The following ARID5B variants were observed in gnomAD, a reference collection of about 807,000 sequenced individuals.
ARID5B encodes AT-rich interactive domain-containing protein 5B.
ARID5B carries 13 observed loss-of-function variants against 97.2 expected under a neutral mutation model. The ratio of observed to expected loss-of-function variants is 0.13; its 90% confidence interval spans 0.09 to 0.21. The LOEUF is 0.21. ARID5B is among the 10% of genes least tolerant of loss of function. The pLI is 1.00. For missense variants in ARID5B, 1,210 were observed against 1,465.3 expected, an observed-to-expected ratio of 0.83 and a Z score of 2.84; for synonymous variants, 556 against 570.3, an observed-to-expected ratio of 0.97 and a Z score of 0.36.
intron 2 of ARID5B, among the ~76,000 whole-genome samples, chr10:61,938,964 A>AGTGTGT (rs60329829): frequency 0.034 from 4,270 of 125,120 alleles, 107 homozygotes; most frequent in African/African-American, 0.041. Flanking sequence ...GAATTGGAGA[A>AGTGTGT]GTGTGTGTGT....
chr10:62,014,843 A>G (rs1204103467), intron 4 of ARID5B, among the ~76,000 whole-genome samples: 1 of 152,242 alleles, frequency 6.6e-6, no homozygotes, highest in Non-Finnish European at 1.5e-5. Context: ...TTGACATGTC[A>G]GGCAAATACA....
At chr10:62,029,165 C>T (rs544110393) in intron 4 of ARID5B, among the ~76,000 whole-genome samples, 1 of 152,276 alleles carries the variant, frequency 6.6e-6, no homozygotes, top group South Asian at 2.1e-4. Flanking sequence ...TGCAGAGCCA[C>T]ACTATTCTCA....
intron 7 of ARID5B, among the ~76,000 whole-genome samples, chr10:62,062,086 A>C (rs962514484): frequency 6.6e-6 from 1 of 152,234 alleles, no homozygotes; most frequent in African/African-American, 2.4e-5. Flanking sequence ...TAAGTACAGA[A>C]TACATTTTTC....
At chr10:62,027,169 T>G (rs1055229711) in intron 4 of ARID5B, among the ~76,000 whole-genome samples, 1 of 151,916 alleles carries the variant, frequency 6.6e-6, no homozygotes, top group Non-Finnish European at 1.5e-5. Flanking sequence ...CCTTCCTATC[T>G]GTCAAGCCCC....
At position 61,908,820 on chromosome 10, in the gene ARID5B, A is replaced by AAAGAAG. The variant is rs1177486622; in HGVS notation, c.276+6416_276+6421dup. 1.7e-3 allele frequency among the ~76,000 whole-genome samples: 254 copies of AAAGAAG among 146,188 alleles called. 5 individuals are homozygous for AAAGAAG. Among genetic ancestry groups the AAAGAAG allele is most frequent in the African/African-American group, 6.4e-3 (239 of 37,584 alleles). ...ATCTCAAAAAAAAAAAAAAAAAAAAAAAGAAGAAGAAGAATGGCCTCTGCC... is the reference window on the plus strand; with the variant it reads ...ATCTCAAAAAAAAAAAAAAAAAAAAAAAGAAGAAGAAGAAGAAGAATGGCCTCTGCC... On this transcript the variant is annotated intron_variant, in intron 2 of 9. Transcript: ENST00000279873.
intron 2 of ARID5B, among the ~76,000 whole-genome samples, chr10:61,917,699 G>A (rs1311854324): frequency 6.6e-6 from 1 of 152,134 alleles, no homozygotes; most frequent in African/African-American, 2.4e-5. Flanking sequence ...CTCATATTTG[G>A]CCCATTTTCT....
chr10:61,920,915 A>G (rs765284981), intron 2 of ARID5B, among the ~76,000 whole-genome samples: 4 of 152,114 alleles, frequency 2.6e-5, no homozygotes, highest in Admixed American at 6.6e-5. Context: ...TGAAAAATAC[A>G]CTCACATTGT....
Position 62,096,635 on chromosome 10 carries a change from T to C in ARID5B, c.*3605T>C, listed in dbSNP as rs568500711. 1 of 233,628 alleles carries C rather than the reference T, an allele frequency of 4.3e-6. No individual in the cohort carries two copies. The highest frequency in any genetic ancestry group is 1.8e-4 in the South Asian group (1 of 5,530). The allele number at this position is 233,628 out of a possible 1,614,324, so 14.5% of individuals were successfully genotyped here. A position where few individuals can be genotyped will look rare whatever the true frequency, so the allele number is the denominator to read the frequency against. On this transcript the variant is annotated 3_prime_UTR_variant, in exon 10 of 10. Transcript: ENST00000279873. ...CTGTGTTGTAAATATTGTATACTTT[T>C]GGTGATTCCAGCTATGTAACCTCTA...
chr10:62,003,586 C>T (rs1322057395), intron 4 of ARID5B, among the ~76,000 whole-genome samples: 1 of 152,114 alleles, frequency 6.6e-6, no homozygotes, highest in Non-Finnish European at 1.5e-5. Flanking sequence ...TAGTCACTAT[C>T]CTTTGGGTGG....
At chr10:62,069,568 A>G (rs2132953345) in intron 7 of ARID5B, 132 bp from the exon 8 acceptor site, 1 of 727,318 alleles carries the variant, frequency 1.4e-6, no homozygotes, top group East Asian at 2.7e-5. Flanking sequence ...CACCCCATAT[A>G]CTCTTTTGGA....
chr10:62,092,433 A>T lies in ARID5B; in HGVS notation c.2970A>T (p.Glu990Asp), dbSNP rs754000245. ...HVRLENFRKM[E>D]GMVHPILHRK... The stretch of plus-strand genomic sequence containing the variant: ...GACTGGAGAATTTCAGGAAGATGGA[A>T]GGCATGGTCCACCCAATCCTGCACC... The change falls in exon 10 of 10, where the codon GAA (glutamate) becomes GAT (aspartate). Residue 990 changes from glutamate (E) to aspartate (D), a missense_variant. Physicochemically the swap from Glu to Asp is conservative, Grantham distance 45. Transcript: ENST00000279873. The T allele has an allele frequency of 1.9e-6, 3 of 1,614,232 alleles. No homozygotes were observed. Among genetic ancestry groups the T allele is most frequent in the Non-Finnish European group, 2.5e-6 (3 of 1,180,024 alleles).
At chr10:61,974,152 C>T (rs1270996397) in intron 3 of ARID5B, among the ~76,000 whole-genome samples, 2 of 152,122 alleles carry the variant, frequency 1.3e-5, no homozygotes, top group East Asian at 1.9e-4. Context: ...GAGGTTTTGA[C>T]AACAAGCAGG....
rs1277887809 is a variant in ARID5B at position 61,919,585 on chromosome 10, C to CT, written c.276+17172_276+17173insT. On this transcript the variant is annotated intron_variant, in intron 2 of 9. Coordinates refer to ENST00000279873, the MANE Select transcript of ARID5B (RefSeq NM_032199.3). ...CAGTGTATATCAGATCACTAGAATT[C>CT]AGATGAAAACACTGCTGTAGTACTC... 3.3e-5 allele frequency among the ~76,000 whole-genome samples: 5 copies of CT among 152,340 alleles called. No individual in the cohort carries two copies. The East Asian group carries it at 7.7e-4, about 23-fold the overall frequency.
intron 3 of ARID5B, among the ~76,000 whole-genome samples, chr10:61,985,706 A>G (rs1031459663): frequency 1.3e-5 from 2 of 152,118 alleles, no homozygotes; most frequent in Admixed American, 6.5e-5. Context: ...TGAGGATACA[A>G]TGGGTGCAAT....
chr10:61,906,717 T>C (rs1317165463), intron 2 of ARID5B, among the ~76,000 whole-genome samples: 1 of 152,142 alleles, frequency 6.6e-6, no homozygotes, highest in African/African-American at 2.4e-5. Context: ...TAAAAATCCA[T>C]GTTCTGGGGC....
chr10:62,005,181 C>A (rs1286721794), intron 4 of ARID5B, among the ~76,000 whole-genome samples: 1 of 152,118 alleles, frequency 6.6e-6, no homozygotes, highest in African/African-American at 2.4e-5. Context: ...TGCTGGGGAC[C>A]AGAAAGGAGG....
intron 7 of ARID5B, among the ~76,000 whole-genome samples, chr10:62,066,201 C>T (rs1227802197): frequency 6.6e-6 from 1 of 152,196 alleles, no homozygotes; most frequent in Non-Finnish European, 1.5e-5. Flanking sequence ...AGATGTTTCC[C>T]TGCCCTGTTC....
At chr10:62,067,326 G>T (rs369715149) in intron 7 of ARID5B, among the ~76,000 whole-genome samples, 2 of 152,124 alleles carry the variant, frequency 1.3e-5, no homozygotes, top group South Asian at 4.2e-4. Context: ...CAGGTGATCC[G>T]CCCGCCTCGG....
chr10:61,901,763 G>T (rs757525181), intron 1 of ARID5B, 33 bp downstream of exon 1: 1 of 1,601,018 alleles, frequency 6.2e-7, no homozygotes, highest in East Asian at 2.2e-5. Context: ...TCCGATCCCG[G>T]CACCCCCCGG....
Sources: allele counts gnomAD v4.1 joint callset (sites outside exome capture counted in the v4.1 genomes callset), GRCh38; gene constraint gnomAD v4.1.1; transcripts MANE v1.5; gene names NCBI Gene and HGNC (gene_info 2026-07-23, HGNC 2026-07-21).